Variants in FRY observed in about 807,000 individuals in gnomAD.
FRY encodes the protein FRY microtubule binding protein.
Under a neutral mutation model 348.4 loss-of-function variants are expected in FRY, and 128 were observed. That is an observed-to-expected ratio of 0.37 (90% CI 0.32 to 0.43). FRY has a LOEUF of 0.43. Among genes scored for constraint, FRY ranks in the 20% least tolerant of loss-of-function variants. FRY has a pLI of 1.00. For synonymous variants in FRY, 1,370 were observed against 1,374.7 expected, an observed-to-expected ratio of 1.00 and a Z score of 0.08; for missense variants, 2,736 against 3,695.2, an observed-to-expected ratio of 0.74 and a Z score of 6.73.
chr13:32,092,507 G>A (rs1208199336), intron 2 of FRY, among the ~76,000 whole-genome samples: 1 of 152,202 alleles, frequency 6.6e-6, no homozygotes, highest in East Asian at 1.9e-4. Flanking sequence ...TTAGTTAGAT[G>A]TGGACACAAG....
At chr13:32,070,629 G>C (rs12100050) in intron 1 of FRY, among the ~76,000 whole-genome samples, 1,873 of 151,552 alleles carry the variant, frequency 0.012, 47 homozygotes, top group African/African-American at 0.044. Flanking sequence ...TTGTCAGATG[G>C]GTAGATTGCA....
chr13:32,234,770 G>A lies in FRY; in HGVS notation c.5715+9G>A, dbSNP rs755920173. On this transcript the variant is annotated intron_variant, in intron 42 of 60. Transcript: ENST00000542859. ...ATGGAGATGAGATTCAGGTATGGAAGGGAAGACCACTGAGCTCGTGAAGGA... is the reference window on the plus strand; with the variant it reads ...ATGGAGATGAGATTCAGGTATGGAAAGGAAGACCACTGAGCTCGTGAAGGA... The A allele has an allele frequency of 3.7e-5, 60 of 1,610,996 alleles. No homozygotes were observed. Among genetic ancestry groups the A allele is most frequent in the East Asian group, 1.3e-4 (6 of 44,874 alleles).
intron 10 of FRY, 27 bp downstream of exon 10, chr13:32,135,210 C>A: frequency 2.9e-6 from 4 of 1,363,742 alleles, no homozygotes; most frequent in Non-Finnish European, 2.1e-6. Context: ...AAATCGAAAA[C>A]ACAAACAAAA....
chr13:32,059,401 A>G (rs1311794761), intron 1 of FRY, among the ~76,000 whole-genome samples: 1 of 149,170 alleles, frequency 6.7e-6, no homozygotes, highest in African/African-American at 2.5e-5. Flanking sequence ...GAGAAATTGT[A>G]GACTTCTACA....
intron 31 of FRY, among the ~76,000 whole-genome samples, chr13:32,208,071 G>C (rs1884457365): frequency 6.6e-6 from 1 of 152,238 alleles, no homozygotes; most frequent in East Asian, 1.9e-4. Context: ...TGCTCTGAGA[G>C]AAAGTAATGG....
intron 51 of FRY, among the ~76,000 whole-genome samples, chr13:32,257,743 G>A (rs922910197): frequency 3.9e-5 from 6 of 152,222 alleles, no homozygotes; most frequent in African/African-American, 1.4e-4. Flanking sequence ...ATCATCCACA[G>A]CCAAAGGATT....
chr13:32,077,665 G>A (rs759786275), intron 1 of FRY, among the ~76,000 whole-genome samples: 12 of 152,206 alleles, frequency 7.9e-5, no homozygotes, highest in African/African-American at 1.2e-4. Flanking sequence ...CTTGGCTTGA[G>A]ACAGAAAGAA....
At chr13:32,100,533 TACA>T (rs1468455293) in intron 2 of FRY, among the ~76,000 whole-genome samples, 2 of 151,096 alleles carry the variant, frequency 1.3e-5, no homozygotes, top group Non-Finnish European at 2.9e-5. Flanking sequence ...TTTATGGTGT[TACA>T]ACATGATGTT....
intron 3 of FRY, among the ~76,000 whole-genome samples, chr13:32,116,878 A>G (rs1045350740): frequency 6.6e-6 from 1 of 152,148 alleles, no homozygotes; most frequent in South Asian, 2.1e-4. Context: ...ATTGTCCAAA[A>G]CCATACATTA....
chr13:32,224,925 T>C lies in FRY; in HGVS notation c.4917-8T>C, dbSNP rs758408543. The C allele has an allele frequency of 9.9e-6, 15 of 1,518,802 alleles. No homozygotes were observed. In the South Asian group the frequency reaches 1.6e-4, roughly 16 times the overall value. The allele number at this position is 1,518,802 out of a possible 1,614,324, so 94.1% of individuals were successfully genotyped here. ...AAGTTGCATTAATTTCATTATTTCA[T>C]TGATTAGGTGCAATATTGCTGTAAT... On this transcript the variant is annotated splice_region_variant and splice_polypyrimidine_tract_variant and intron_variant, in intron 37 of 60. Transcript: ENST00000542859.
At chr13:32,113,121 A>T (rs1878074898) in intron 3 of FRY, among the ~76,000 whole-genome samples, 1 of 152,234 alleles carries the variant, frequency 6.6e-6, no homozygotes, top group African/African-American at 2.4e-5. Context: ...CAATAGTATG[A>T]TATGTGATCA....
chr13:32,075,170 T>C (rs1874959909), intron 1 of FRY, among the ~76,000 whole-genome samples: 1 of 152,238 alleles, frequency 6.6e-6, no homozygotes, highest in African/African-American at 2.4e-5. Context: ...AGGCAGCAAA[T>C]TTTTCCCTTT....
chr13:32,196,156 T>C (rs1452927370), intron 29 of FRY, among the ~76,000 whole-genome samples: 5 of 152,222 alleles, frequency 3.3e-5, no homozygotes, highest in Non-Finnish European at 7.3e-5. Context: ...ATGAAATATG[T>C]TTCTGAAAAG....
chr13:32,043,323 C>A (rs1004843072), intron 1 of FRY, among the ~76,000 whole-genome samples: 1 of 152,146 alleles, frequency 6.6e-6, no homozygotes, highest in Non-Finnish European at 1.5e-5. Context: ...ACAGCCAAAC[C>A]ATATCACGGT....
intron 4 of FRY, among the ~76,000 whole-genome samples, chr13:32,120,061 CTT>C (rs558404322): frequency 3.4e-4 from 52 of 152,224 alleles, no homozygotes; most frequent in African/African-American, 1.3e-3. Flanking sequence ...TTAAAATAGT[CTT>C]GATTTATTTT....
rs566801860 is a variant in FRY at position 32,103,786 on chromosome 13, G to A, written c.324+1770G>A. On this transcript the variant is annotated intron_variant, in intron 3 of 60. Transcript: ENST00000542859. ...TCGAGACCAGACTGGGAAACATGGC[G>A]AAACCTTGCTGCTATCAAAAATACA... Among the ~76,000 whole-genome samples, 14 of 152,202 alleles carry A rather than the reference G, an allele frequency of 9.2e-5. No individual in the cohort carries two copies. The South Asian group carries it at 2.3e-3, about 25-fold the overall frequency.
chr13:32,048,188 G>A (rs1873129570), intron 1 of FRY, among the ~76,000 whole-genome samples: 1 of 152,180 alleles, frequency 6.6e-6, no homozygotes, highest in Non-Finnish European at 1.5e-5. Context: ...TCTCTTGAGT[G>A]GGTGTGGGAG....
Position 32,178,433 on chromosome 13 carries a change from C to A in FRY, c.2678C>A (p.Pro893Gln). Reference sequence around the variant, plus strand: ...CAGTCGGTGATGCCTCTGGTGGACCCAAAGTAAGGGATTCTTGTGTTTTCC... The same window carrying A: ...CAGTCGGTGATGCCTCTGGTGGACCAAAAGTAAGGGATTCTTGTGTTTTCC... ...RLQSVMPLVD[P>Q]NSPINAKKTS... Residue 893 changes from proline (P) to glutamine (Q), a missense_variant, in exon 21 of 61, where the codon CCA becomes CAA. This residue lies in a region of FRY where 449 missense variants were observed against 576.9 expected (regional missense o/e 0.78). Transcript: ENST00000542859. 6.2e-7 allele frequency: 1 copy of A among 1,614,124 alleles called. No individual in the cohort carries two copies. The highest frequency in any genetic ancestry group is 8.5e-7 in the Non-Finnish European group (1 of 1,179,978).
At chr13:32,127,984 T>C (rs551962080) in intron 7 of FRY, among the ~76,000 whole-genome samples, 18 of 152,196 alleles carry the variant, frequency 1.2e-4, no homozygotes, top group Non-Finnish European at 2.6e-4. Context: ...ACTCTAACTA[T>C]AATATTTTTC....
Sources: allele counts gnomAD v4.1 joint callset (sites outside exome capture counted in the v4.1 genomes callset), GRCh38; gene constraint gnomAD v4.1.1; regional missense constraint gnomAD v4.1.1; transcripts MANE v1.5; gene names NCBI Gene and HGNC (gene_info 2026-07-23, HGNC 2026-07-21).